The following ZNF385B variants were observed in gnomAD, a reference collection of about 807,000 sequenced individuals.
The protein encoded by ZNF385B is zinc finger protein 533.
In ZNF385B, 23 loss-of-function variants were observed where a neutral mutation model predicts 39.2. The ratio of observed to expected loss-of-function variants is 0.59; its 90% confidence interval spans 0.42 to 0.83. ZNF385B has a LOEUF of 0.83. Among genes scored for constraint, ZNF385B ranks in the 40% least tolerant of loss-of-function variants. The pLI is 0.00. For missense variants in ZNF385B, 552 were observed against 598.9 expected, an observed-to-expected ratio of 0.92 and a Z score of 0.82; for synonymous variants, 205 against 222.6, an observed-to-expected ratio of 0.92 and a Z score of 0.70.
chr2:179,849,892 A>G (rs1455252184), intron 1 of ZNF385B, among the ~76,000 whole-genome samples: 2 of 152,300 alleles, frequency 1.3e-5, no homozygotes, highest in Admixed American at 6.5e-5. Flanking sequence ...TGAAAAGACT[A>G]TCAAGGAGTT....
intron 3 of ZNF385B, among the ~76,000 whole-genome samples, chr2:179,699,049 A>G (rs1017154799): frequency 1.2e-4 from 18 of 152,074 alleles, no homozygotes; most frequent in Admixed American, 2.0e-4. Context: ...AAGGAAAATG[A>G]TATTATCAAA....
rs1253433778 is a variant in ZNF385B at position 179,712,054 on chromosome 2, T to C, written c.298+57449A>G. On this transcript the variant is annotated intron_variant, in intron 3 of 9. Coordinates refer to ENST00000410066, the MANE Select transcript of ZNF385B (RefSeq NM_152520.6). ...TGCCATCCCTATTGAAGTCAATAGGTTCTGGCATGACACTCATTAACATGG... is the reference window on the plus strand; with the variant it reads ...TGCCATCCCTATTGAAGTCAATAGGCTCTGGCATGACACTCATTAACATGG... 3.9e-5 allele frequency among the ~76,000 whole-genome samples: 6 copies of C among 152,064 alleles called. No homozygotes were observed. The East Asian group carries it at 9.7e-4, about 24-fold the overall frequency.
chr2:179,592,295 C>A (rs1687632396), intron 3 of ZNF385B, among the ~76,000 whole-genome samples: 1 of 152,188 alleles, frequency 6.6e-6, no homozygotes, highest in African/African-American at 2.4e-5. Context: ...AAAAAAAACC[C>A]TGTTCATTTA....
intron 4 of ZNF385B, among the ~76,000 whole-genome samples, chr2:179,527,181 AG>A (rs1249303804): frequency 6.6e-6 from 1 of 152,210 alleles, no homozygotes; most frequent in African/African-American, 2.4e-5. Flanking sequence ...GCAGGACCCC[AG>A]GATTTCAGTT....
intron 3 of ZNF385B, among the ~76,000 whole-genome samples, chr2:179,653,698 GC>G (rs1304342834): frequency 2.0e-5 from 3 of 152,044 alleles, no homozygotes; most frequent in Admixed American, 6.6e-5. Context: ...CAATTATCAA[GC>G]CATCTATTTC....
chr2:179,718,473 T>A (rs1268464997), intron 3 of ZNF385B, among the ~76,000 whole-genome samples: 1 of 147,954 alleles, frequency 6.8e-6, no homozygotes, highest in East Asian at 1.9e-4. Flanking sequence ...AGACATATAA[T>A]CATATATATC....
At chr2:179,506,036 G>T (rs62177239) in intron 5 of ZNF385B, among the ~76,000 whole-genome samples, 9,616 of 152,104 alleles carry the variant, frequency 0.063, 376 homozygotes, top group South Asian at 0.11. Flanking sequence ...CTACATGGAA[G>T]TTAATACAGA....
At chr2:179,622,937 C>G (rs1434149749) in intron 3 of ZNF385B, among the ~76,000 whole-genome samples, 3 of 152,130 alleles carry the variant, frequency 2.0e-5, no homozygotes, top group African/African-American at 7.2e-5. Flanking sequence ...TTCGTGAAAG[C>G]CTTCAGAGGG....
intron 3 of ZNF385B, among the ~76,000 whole-genome samples, chr2:179,632,567 T>C (rs28792088): frequency 0.066 from 9,978 of 152,174 alleles, 523 homozygotes; most frequent in East Asian, 0.24. Flanking sequence ...TAGAGGGAAA[T>C]TTATAGCACT....
chr2:179,816,975 C>A (rs1707108695), intron 1 of ZNF385B, among the ~76,000 whole-genome samples: 1 of 152,058 alleles, frequency 6.6e-6, no homozygotes, highest in Non-Finnish European at 1.5e-5. Context: ...TCTGATGTGT[C>A]CCAAATGTTG....
chr2:179,444,774 A>T, intron 9 of ZNF385B, 102 bp downstream of exon 9: 1 of 988,000 alleles, frequency 1.0e-6, no homozygotes, highest in Admixed American at 1.9e-5. Context: ...TTAAATTTGA[A>T]ACCTTTCATG....
intron 3 of ZNF385B, among the ~76,000 whole-genome samples, chr2:179,593,640 T>C (rs1687758457): frequency 6.6e-6 from 1 of 152,194 alleles, no homozygotes; most frequent in African/African-American, 2.4e-5. Context: ...TCTGTCCTTA[T>C]GGTTATTAAC....
chr2:179,609,300 C>A (rs2106126866), intron 3 of ZNF385B, among the ~76,000 whole-genome samples: 1 of 152,222 alleles, frequency 6.6e-6, no homozygotes, highest in East Asian at 1.9e-4. Flanking sequence ...ATTTTTAGCT[C>A]CCACAGATAT....
chr2:179,784,187 C>G (rs1224219353), intron 1 of ZNF385B, among the ~76,000 whole-genome samples: 1 of 152,050 alleles, frequency 6.6e-6, no homozygotes, highest in South Asian at 2.1e-4. Context: ...ATGGATGGAG[C>G]TGGAGGCTAT....
rs548161755 is a variant in ZNF385B at position 179,595,032 on chromosome 2, C to A, written c.299-50063G>T. On this transcript the variant is annotated intron_variant, in intron 3 of 9. Coordinates refer to ENST00000410066, the MANE Select transcript of ZNF385B (RefSeq NM_152520.6). ...GTAGACCTGTGATAATATGATAAAG[C>A]AAATTTTATGTAGGCATAAGATAAA... Among the ~76,000 whole-genome samples, 3 of 152,128 alleles carry A rather than the reference C, an allele frequency of 2.0e-5. No homozygotes were observed. In the South Asian group the frequency reaches 6.3e-4, roughly 32 times the overall value.
intron 3 of ZNF385B, among the ~76,000 whole-genome samples, chr2:179,758,644 T>C (rs1703187790): frequency 6.6e-6 from 1 of 152,242 alleles, no homozygotes; most frequent in African/African-American, 2.4e-5. Flanking sequence ...GCTTCTGTTC[T>C]TGCTGTCTTG....
At position 179,592,428 on chromosome 2, in the gene ZNF385B, G is replaced by A. The variant is rs140902571; in HGVS notation, c.299-47459C>T. On this transcript the variant is annotated intron_variant, in intron 3 of 9. Coordinates refer to ENST00000410066, the MANE Select transcript of ZNF385B (RefSeq NM_152520.6). Reference sequence around the variant, plus strand: ...TCATAACATGGGCTGTACTATTTTCGTAGAAGGCTTTCCTTTGGTAATAAG... The same window carrying A: ...TCATAACATGGGCTGTACTATTTTCATAGAAGGCTTTCCTTTGGTAATAAG... Among the ~76,000 whole-genome samples the A allele has an allele frequency of 2.5e-3, 385 of 152,216 alleles. 1 individual carries two copies. The highest frequency in any genetic ancestry group is 8.8e-3 in the African/African-American group (366 of 41,544).
intron 3 of ZNF385B, among the ~76,000 whole-genome samples, chr2:179,610,229 G>A (rs944654056): frequency 5.9e-5 from 9 of 152,044 alleles, no homozygotes; most frequent in African/African-American, 9.7e-5. Flanking sequence ...TTTTATTTTT[G>A]TATATGGCAA....
chr2:179,675,383 A>G (rs1156701359), intron 3 of ZNF385B, among the ~76,000 whole-genome samples: 1 of 152,204 alleles, frequency 6.6e-6, no homozygotes, highest in African/African-American at 2.4e-5. Flanking sequence ...AAGTGGACCC[A>G]TGCAGTCCTA....
Sources: allele counts gnomAD v4.1 joint callset (sites outside exome capture counted in the v4.1 genomes callset), GRCh38; gene constraint gnomAD v4.1.1; transcripts MANE v1.5; gene names NCBI Gene and HGNC (gene_info 2026-07-23, HGNC 2026-07-21).